The following CHD5 variants were observed in gnomAD, a reference collection of about 807,000 sequenced individuals.
CHD5 encodes ATP-dependent chromatin remodeler CHD5.
A neutral mutation model predicts 230.3 loss-of-function variants in CHD5; 69 were observed. The observed-to-expected ratio is 0.30, with a 90% CI of 0.25 to 0.37. The LOEUF is 0.37. Among genes scored for constraint, CHD5 ranks in the 10% least tolerant of loss-of-function variants. The probability of loss-of-function intolerance (pLI) is 1.00; values close to 1 mark genes in which losing one functional copy is unlikely to be tolerated. For missense variants in CHD5, 1,827 were observed against 2,622.8 expected (o/e 0.70, Z 6.63); for synonymous variants, 1,064 against 1,065.9 (o/e 1.00, Z 0.03).
In CHD5 at chr1:6,121,035, C is replaced by G. The variant is rs562869953; in HGVS notation, c.4912+70G>C. On this transcript the variant is annotated intron_variant, in intron 33 of 41. Coordinates refer to ENST00000262450, the MANE Select transcript of CHD5 (RefSeq NM_015557.3). The surrounding 1 kb of genome is among the most constrained non-coding windows in gnomAD (Gnocchi z 4.5). ...AATGAGCGGAAGTACAGCCACCTGC[C>G]CTTCTCTGAACCCAGGCCTGCTGAG... is the stretch of plus-strand genomic sequence containing the variant. 2.1e-6 allele frequency: 3 copies of G among 1,462,326 alleles called. No homozygotes were observed. Among genetic ancestry groups the G allele is most frequent in the Non-Finnish European group, 2.7e-6 (3 of 1,104,670 alleles). 90.6% of individuals were successfully genotyped at this position (1,462,326 alleles called of 1,614,324 possible).
Position 6,105,362 on chromosome 1 carries a change from T to A in CHD5, c.*112A>T, listed in dbSNP as rs1557532593. ...TTCCCTTTTTGTCCCAAGGTGGCGC[T>A]GGCTCCTAAAAAGGTGGCAGCTTTT... On this transcript the variant is annotated 3_prime_UTR_variant, in exon 42 of 42. Transcript: ENST00000262450. The surrounding 1 kb of genome is among the most constrained non-coding windows in gnomAD (Gnocchi z 4.8). 2.1e-6 allele frequency: 1 copy of A among 470,466 alleles called. No individual in the cohort carries two copies. Among genetic ancestry groups the A allele is most frequent in the Non-Finnish European group, 4.4e-6 (1 of 226,814 alleles). 29.1% of individuals were successfully genotyped at this position (470,466 alleles called of 1,614,324 possible).
chr1:6,124,703 C>T lies in CHD5; in HGVS notation c.4395-42G>A, dbSNP rs1318562178. On this transcript the variant is annotated intron_variant, in intron 29 of 41. Transcript: ENST00000262450. ...GGACTGGGGCTCAGGGAGTGGGGGGCCGGCAAGAACCCTCTGAGAGGGCTG... is the reference window on the plus strand; with the variant it reads ...GGACTGGGGCTCAGGGAGTGGGGGGTCGGCAAGAACCCTCTGAGAGGGCTG... The T allele has an allele frequency of 1.1e-5, 13 of 1,213,840 alleles. No homozygotes were observed. The African/African-American group carries it at 1.9e-4, about 17-fold the overall frequency. The allele number at this position is 1,213,840 out of a possible 1,614,324, so 75.2% of individuals were successfully genotyped here.
chr1:6,137,487 C>T (rs1666764081), intron 15 of CHD5, among the ~76,000 whole-genome samples: 1 of 152,096 alleles, frequency 6.6e-6, no homozygotes. Flanking sequence ...CCTTTATCCC[C>T]CACTCCCCCC....
chr1:6,126,802 GC>G lies in CHD5; in HGVS notation c.3904-57del, dbSNP rs1666566012. On this transcript the variant is annotated intron_variant, in intron 25 of 41. Transcript: ENST00000262450. This position sits in a 1 kb window ranked among gnomAD's most constrained non-coding sequence, Gnocchi z 5.7. ...TGGAGCCATCTCTGCCCTCCCGGAA[GC>G]CTCAGGCTGCCTCCACCTGACCTGC... 2 of 1,534,596 alleles carry G rather than the reference GC, an allele frequency of 1.3e-6. No homozygotes were observed. The highest frequency in any genetic ancestry group is 1.8e-6 in the Non-Finnish European group (2 of 1,122,422).
chr1:6,123,917 G>C, intron 31 of CHD5, 31 bp downstream of exon 31: 4 of 1,411,290 alleles, frequency 2.8e-6, no homozygotes, highest in Non-Finnish European at 3.7e-6. Context: ...CATGACCCCA[G>C]TGCCCTCCCC....
Position 6,154,981 on chromosome 1 carries a change from T to C in CHD5, c.507-83A>G, listed in dbSNP as rs938310732. On this transcript the variant is annotated intron_variant, in intron 4 of 41. Coordinates refer to ENST00000262450, the MANE Select transcript of CHD5 (RefSeq NM_015557.3). This position sits in a 1 kb window ranked among gnomAD's most constrained non-coding sequence, Gnocchi z 7.0. ...CGACCCCCGGCAGGGCCCACCCCTC[T>C]GCCACATGTGCGATCTATGGCAGCA... 8 of 1,214,986 alleles carry C rather than the reference T, an allele frequency of 6.6e-6. No homozygotes were observed. In the African/African-American group the frequency reaches 1.2e-4, roughly 18 times the overall value. The allele number at this position is 1,214,986 out of a possible 1,614,324, so 75.3% of individuals were successfully genotyped here.
Position 6,172,942 on chromosome 1 carries a change from A to C in CHD5, c.80-4665T>G, listed in dbSNP as rs74773755. ...GGGAAGGCGCGTGACTGTGGAGCGA[A>C]AGTTAGGTCATCTGATTCTGGGTGG... is the stretch of plus-strand genomic sequence containing the variant. On this transcript the variant is annotated intron_variant, in intron 1 of 41. Coordinates refer to ENST00000262450, the MANE Select transcript of CHD5 (RefSeq NM_015557.3). Among the ~76,000 whole-genome samples the C allele has an allele frequency of 6.9e-3, 1,054 of 152,074 alleles. 11 individuals are homozygous for C. Among genetic ancestry groups the C allele is most frequent in the African/African-American group, 0.023 (961 of 41,506 alleles).
chr1:6,174,164 G>T (rs1340420166), intron 1 of CHD5, among the ~76,000 whole-genome samples: 1 of 151,920 alleles, frequency 6.6e-6, no homozygotes, highest in Non-Finnish European at 1.5e-5. Context: ...AGAGAAAAAC[G>T]GCCAGACAGA....
intron 1 of CHD5, among the ~76,000 whole-genome samples, chr1:6,172,469 G>A (rs1667353390): frequency 1.3e-5 from 2 of 152,032 alleles, no homozygotes; most frequent in Admixed American, 6.6e-5. Context: ...GGGACAACAC[G>A]CACAACCACC....
rs1421639697 is a variant in CHD5 at position 6,142,848 on chromosome 1, G to A, written c.2044-243C>T. 6.6e-6 allele frequency among the ~76,000 whole-genome samples: 1 copy of A among 152,108 alleles called. No individual in the cohort carries two copies. Among genetic ancestry groups the A allele is most frequent in the Admixed American group, 6.5e-5 (1 of 15,268 alleles). On this transcript the variant is annotated intron_variant, in intron 13 of 41. Coordinates refer to ENST00000262450, the MANE Select transcript of CHD5 (RefSeq NM_015557.3). This position sits in a 1 kb window ranked among gnomAD's most constrained non-coding sequence, Gnocchi z 5.2. ...TGGCAGCCCTGTACTTCTCCTATCA[G>A]GGAAATTTCCCGACTGTTGAATTCT...
Position 6,155,525 on chromosome 1 carries a change from C to T in CHD5, c.506+74G>A. Reference sequence around the variant, plus strand: ...CTACCCCAGGTGCCGGGGCTTCACTCCTCTGCCTCCCTCCCGACTTGGTAC... The same window carrying T: ...CTACCCCAGGTGCCGGGGCTTCACTTCTCTGCCTCCCTCCCGACTTGGTAC... On this transcript the variant is annotated intron_variant, in intron 4 of 41. Transcript: ENST00000262450. This position sits in a 1 kb window ranked among gnomAD's most constrained non-coding sequence, Gnocchi z 4.0. The T allele has an allele frequency of 1.5e-6, 2 of 1,341,132 alleles. No homozygotes were observed. The highest frequency in any genetic ancestry group is 1.4e-5 in the African/African-American group (1 of 69,214). The allele number at this position is 1,341,132 out of a possible 1,614,324, so 83.1% of individuals were successfully genotyped here. A position where few individuals can be genotyped will look rare whatever the true frequency, so the allele number is the denominator to read the frequency against.
Position 6,105,199 on chromosome 1 carries a change from G to A in CHD5, c.*275C>T. Reference sequence around the variant, plus strand: ...CTCTTCTAAGAAGTCGTCTGGAAAAGGTGGCGAGGGGGCACGTCCGGCGTG... The same window carrying A: ...CTCTTCTAAGAAGTCGTCTGGAAAAAGTGGCGAGGGGGCACGTCCGGCGTG... On this transcript the variant is annotated 3_prime_UTR_variant, in exon 42 of 42. Transcript: ENST00000262450. The surrounding 1 kb of genome is among the most constrained non-coding windows in gnomAD (Gnocchi z 4.8). 1 of 349,454 alleles carries A rather than the reference G, an allele frequency of 2.9e-6. No individual in the cohort carries two copies. Among genetic ancestry groups the A allele is most frequent in the Non-Finnish European group, 5.8e-6 (1 of 171,908 alleles). 21.6% of individuals were successfully genotyped at this position (349,454 alleles called of 1,614,324 possible).
At chr1:6,137,962 GT>G (rs34354338) in intron 15 of CHD5, among the ~76,000 whole-genome samples, 35,370 of 152,094 alleles carry the variant, frequency 0.23, 4,792 homozygotes, top group East Asian at 0.66. Context: ...CTGGGTGCTG[GT>G]TGGGGAGGGG....
At chr1:6,168,301 C>A in intron 1 of CHD5, 24 bp from the exon 2 acceptor site, 1 of 1,582,308 alleles carries the variant, frequency 6.3e-7, no homozygotes, top group South Asian at 1.1e-5. Flanking sequence ...AAGGTGGCAG[C>A]AGTTACTCCT....
intron 2 of CHD5, among the ~76,000 whole-genome samples, chr1:6,159,898 T>TG (rs1667140038): frequency 6.6e-6 from 1 of 152,226 alleles, no homozygotes; most frequent in Non-Finnish European, 1.5e-5. Context: ...CTTTGGGGGC[T>TG]GAATTAGTTT....
chr1:6,136,249 A>G (rs1275577553), intron 17 of CHD5, among the ~76,000 whole-genome samples: 2 of 152,042 alleles, frequency 1.3e-5, no homozygotes, highest in Non-Finnish European at 2.9e-5. Context: ...GTCCAGGAGG[A>G]ACCCCGGGTG....
rs1666303501 is a variant in CHD5, at chr1:6,112,221, C to T, written c.5059G>A (p.Glu1687Lys). ...TCCTTCTTCCCCTCGTCATCTTCCT[C>T]TTTGTCACCATTTTGCTGTGTTTCA... ...PIETQQNGDKEEDDEGKKEDK... is the reference protein window; with the variant it reads ...PIETQQNGDKKEDDEGKKEDK... Residue 1687 changes from glutamate to lysine, a missense_variant, in exon 35 of 42, where the codon GAG (glutamate) becomes AAG (lysine). Physicochemically the swap from Glu to Lys is moderately conservative, Grantham distance 56. Transcript: ENST00000262450. 4 of 1,614,040 alleles carry T rather than the reference C, an allele frequency of 2.5e-6. No homozygotes were observed. Among genetic ancestry groups the T allele is most frequent in the Non-Finnish European group, 3.4e-6 (4 of 1,180,040 alleles).
At chr1:6,159,939 C>T (rs913707788) in intron 2 of CHD5, among the ~76,000 whole-genome samples, 14 of 152,190 alleles carry the variant, frequency 9.2e-5, no homozygotes, top group Admixed American at 3.3e-4. Flanking sequence ...CAGGAGCTGG[C>T]GGTGGAGGAT....
At chr1:6,176,265 C>T (rs1027530286) in intron 1 of CHD5, among the ~76,000 whole-genome samples, 1 of 152,192 alleles carries the variant, frequency 6.6e-6, no homozygotes, top group African/African-American at 2.4e-5. Flanking sequence ...TCATGACTGT[C>T]ACTCTCTCCT....
Sources: allele counts gnomAD v4.1 joint callset (sites outside exome capture counted in the v4.1 genomes callset), GRCh38; gene constraint gnomAD v4.1.1; non-coding constraint Gnocchi (gnomAD v3.1); transcripts MANE v1.5; gene names NCBI Gene and HGNC (gene_info 2026-07-23, HGNC 2026-07-21).